The following OR6J1 variants were observed in gnomAD, a reference collection of about 807,000 sequenced individuals.
The protein encoded by OR6J1 is olfactory receptor family 6 subfamily J member 1.
For missense variants in OR6J1, 304 were observed against 166.8 expected, an observed-to-expected ratio of 1.82 and a Z score of -4.53; for synonymous variants, 109 against 70.0, an observed-to-expected ratio of 1.56 and a Z score of -2.78.
At chr14:22,639,642 A>G (rs2037627401) in intron 1 of OR6J1, among the ~76,000 whole-genome samples, 2 of 126,834 alleles carry the variant, frequency 1.6e-5, no homozygotes, top group Non-Finnish European at 3.2e-5. Context: ...CTGTACTAAG[A>G]AAAATTCCTC....
intron 1 of OR6J1, among the ~76,000 whole-genome samples, chr14:22,637,514 C>A (rs2037599918): frequency 6.0e-5 from 2 of 33,090 alleles, no homozygotes; most frequent in Admixed American, 1.6e-4. Context: ...GCCCGGCCAG[C>A]CGCCCCGTCC....
intron 1 of OR6J1, among the ~76,000 whole-genome samples, chr14:22,637,199 G>A (rs2139293600): frequency 1.0e-5 from 1 of 100,326 alleles, no homozygotes; most frequent in East Asian, 2.5e-4. Flanking sequence ...TGAGAAGTGA[G>A]GAGCCCCTCC....
intron 1 of OR6J1, among the ~76,000 whole-genome samples, chr14:22,637,692 C>G (rs2037602682): frequency 1.4e-5 from 1 of 73,372 alleles, no homozygotes; most frequent in Admixed American, 1.1e-4. Flanking sequence ...TGGGGGGGGT[C>G]AGCCCCCCGC....
At position 22,644,211 on chromosome 14, in the gene OR6J1, C is replaced by G. The variant is rs1409408530; in HGVS notation, c.-141G>C. On this transcript the variant is annotated 5_prime_UTR_variant, in exon 1 of 2. Transcript: ENST00000540461. ...TTGACCAAAAAGCCACAGTGCATTC[C>G]ACATGAGAGCAGCAGTGTTTGACAG... The G allele has an allele frequency of 6.6e-6, 1 of 152,258 alleles. No homozygotes were observed. The highest frequency in any genetic ancestry group is 1.5e-5 in the Non-Finnish European group (1 of 68,070). The allele number at this position is 152,258 out of a possible 1,614,324, so 9.4% of individuals were successfully genotyped here. A position where few individuals can be genotyped will look rare whatever the true frequency, so the allele number is the denominator to read the frequency against.
At chr14:22,644,057 C>G (rs2037672816) in intron 1 of OR6J1, 41 bp downstream of exon 1, 1 of 152,312 alleles carries the variant, frequency 6.6e-6, no homozygotes, top group East Asian at 1.9e-4. Context: ...ACAGCTGCTC[C>G]CAGCCAGCCC....
At chr14:22,635,645 A>G (rs1242063204) in intron 1 of OR6J1, among the ~76,000 whole-genome samples, 2 of 152,246 alleles carry the variant, frequency 1.3e-5, no homozygotes, top group African/African-American at 2.4e-5. Context: ...AAAATGACCA[A>G]TGGAACAAAA....
At chr14:22,635,669 C>A (rs4982650) in intron 1 of OR6J1, among the ~76,000 whole-genome samples, 120,886 of 152,146 alleles carry the variant, frequency 0.79, 48,520 homozygotes, top group African/African-American at 0.91. Flanking sequence ...AGAGCCAAGA[C>A]ACAGACCCAC....
intron 1 of OR6J1, among the ~76,000 whole-genome samples, chr14:22,641,209 A>T (rs1247218688): frequency 3.2e-4 from 6 of 18,706 alleles, no homozygotes; most frequent in African/African-American, 2.7e-3. Context: ...GGAGAGAAAG[A>T]TAAGAAAGAA....
In OR6J1 at chr14:22,641,425, A is replaced by G. The variant is rs1454298383; in HGVS notation, c.-28+2673T>C. ...AGGAAGGATGGAAGGAAGGAAGAGA[A>G]AGAAAGAAAGAATGAAAGAGAGAGA... On this transcript the variant is annotated intron_variant, in intron 1 of 1. Transcript: ENST00000540461. Among the ~76,000 whole-genome samples, 80 of 121,756 alleles carry G rather than the reference A, an allele frequency of 6.6e-4. 4 individuals carry two copies. In the South Asian group the frequency reaches 0.013, roughly 20 times the overall value. 79.9% of individuals were successfully genotyped at this position (121,756 alleles called of 152,430 possible). A position where few individuals can be genotyped will look rare whatever the true frequency, so the allele number is the denominator to read the frequency against.
At chr14:22,641,567 A>AAG (rs1369221966) in intron 1 of OR6J1, among the ~76,000 whole-genome samples, 4 of 149,374 alleles carry the variant, frequency 2.7e-5, no homozygotes, top group Middle Eastern at 3.4e-3. Flanking sequence ...AGAAAAAGAA[A>AAG]AAAGAAAGAA....
chr14:22,643,898 G>A (rs2037671831), intron 1 of OR6J1, among the ~76,000 whole-genome samples, 200 bp downstream of exon 1: 1 of 151,748 alleles, frequency 6.6e-6, no homozygotes, highest in South Asian at 2.1e-4. Flanking sequence ...GGAAATGGTA[G>A]GATGAGGGAT....
chr14:22,641,265 GA>G lies in OR6J1; in HGVS notation c.-28+2832del, dbSNP rs1159541267. On this transcript the variant is annotated intron_variant, in intron 1 of 1. Transcript: ENST00000540461. ...AGAAAGAAAGAAAGAAAGAAAGAAA[GA>G]AAGGAAGGAAGGAAGAAAGAGAAGA... Among the ~76,000 whole-genome samples the G allele has an allele frequency of 7.2e-4, 75 of 104,424 alleles. 5 individuals are homozygous for G. The highest frequency in any genetic ancestry group is 1.2e-3 in the Admixed American group (12 of 9,916). The allele number at this position is 104,424 out of a possible 152,430, so 68.5% of individuals were successfully genotyped here.
chr14:22,639,403 G>A (rs2139296390), intron 1 of OR6J1, among the ~76,000 whole-genome samples: 1 of 130,922 alleles, frequency 7.6e-6, no homozygotes, highest in East Asian at 2.1e-4. Flanking sequence ...CCGTCCGGGA[G>A]GTGAGGGGCG....
At chr14:22,641,280 A>AG (rs2037646518) in intron 1 of OR6J1, among the ~76,000 whole-genome samples, 3 of 75,994 alleles carry the variant, frequency 3.9e-5, no homozygotes, top group Admixed American at 2.5e-4. Context: ...GAAGGAAGGA[A>AG]GAAAGAGAAG....
intron 1 of OR6J1, among the ~76,000 whole-genome samples, chr14:22,636,583 G>GC: frequency 8.9e-6 from 1 of 112,514 alleles, no homozygotes; most frequent in Non-Finnish European, 1.7e-5. Context: ...ACTGGTTTTC[G>GC]TTTTTTTTTT....
chr14:22,632,769 T>C lies in OR6J1; in HGVS notation c.*999A>G, dbSNP rs67119608. 35,266 of 152,066 alleles carry C rather than the reference T, an allele frequency of 0.23. 4,356 individuals are homozygous for C. Among genetic ancestry groups the C allele is most frequent in the African/African-American group, 0.32 (13,299 of 41,420 alleles). 9.4% of individuals were successfully genotyped at this position (152,066 alleles called of 1,614,324 possible). On this transcript the variant is annotated 3_prime_UTR_variant, in exon 2 of 2. Coordinates refer to ENST00000540461, the MANE Select transcript of OR6J1 (RefSeq NM_001348233.2). The stretch of plus-strand genomic sequence containing the variant: ...TCAAATCCAGGAATAGGAATCAAAA[T>C]TCTACCAGCTCCAGCCCTAGGAAGT...
At position 22,633,997 on chromosome 14, in the gene OR6J1, A is replaced by T; in HGVS notation, c.815T>A (p.Ile272Asn). 2 of 702,878 alleles carry T rather than the reference A, an allele frequency of 2.8e-6. No individual in the cohort carries two copies. Among genetic ancestry groups the T allele is most frequent in the South Asian group, 1.5e-5 (1 of 67,586 alleles). The allele number at this position is 702,878 out of a possible 1,614,324, so 43.5% of individuals were successfully genotyped here. ...CACCACACTGCTCAGAACCAAAGGG[A>T]TCTTGTTGATCTCCAGATATTCTTT... The part of the protein sequence containing the change: ...SQKEYLEINK[I>N]PLVLSSVVTP... Residue 272 changes from isoleucine (I) to asparagine (N), a missense_variant, in exon 2 of 2, where the codon ATC becomes AAC. Ile to Asn is a moderately radical substitution (Grantham distance 149). Transcript: ENST00000540461.
rs2139290980 is a variant in OR6J1, at chr14:22,634,396, A to G, written c.416T>C (p.Val139Ala). ...LRYTTIMRPS[V>A]CIGTVVFSWV... The stretch of plus-strand genomic sequence containing the variant: ...AGAGAATACAACGGTCCCAATGCAG[A>G]CAGAAGGTCTCATGATGGTGGTGTA... The change falls in exon 2 of 2, where the codon GTC becomes GCC. Residue 139 changes from valine (V) to alanine (A), a missense_variant. Physicochemically the swap from Val to Ala is moderately conservative, Grantham distance 64 (BLOSUM62 0). Coordinates refer to ENST00000540461, the MANE Select transcript of OR6J1 (RefSeq NM_001348233.2). The G allele has an allele frequency of 1.4e-6, 1 of 703,464 alleles. No homozygotes were observed. Among genetic ancestry groups the G allele is most frequent in the East Asian group, 2.7e-5 (1 of 37,290 alleles). 43.6% of individuals were successfully genotyped at this position (703,464 alleles called of 1,614,324 possible). A position where few individuals can be genotyped will look rare whatever the true frequency, so the allele number is the denominator to read the frequency against.
chr14:22,636,026 A>G (rs2037580939), intron 1 of OR6J1, among the ~76,000 whole-genome samples: 1 of 152,108 alleles, frequency 6.6e-6, no homozygotes, highest in Non-Finnish European at 1.5e-5. Flanking sequence ...GAACATATTT[A>G]TGCCACAGAT....
Sources: gnomAD v4.1 joint callset for allele counts (sites outside exome capture counted in the v4.1 genomes callset) on GRCh38, gnomAD v4.1.1 for gene constraint, MANE v1.5 for transcripts, NCBI Gene and HGNC (gene_info 2026-07-23, HGNC 2026-07-21) for gene names.